COQ6: variants seen among roughly 807,000 people sequenced by gnomAD.
COQ6 encodes the protein coenzyme Q6, monooxygenase, also known as ubiquinone biosynthesis monooxygenase COQ6, mitochondrial.
Under a neutral mutation model 55.5 loss-of-function variants are expected in COQ6, and 45 were observed. The observed-to-expected ratio is 0.81, with a 90% CI of 0.64 to 1.04. The LOEUF (loss-of-function observed/expected upper bound fraction) is 1.04, where lower values mean the gene tolerates loss of function less well. Among genes scored for constraint, COQ6 ranks in the 50% least tolerant of loss-of-function variants. The pLI is 0.00. For synonymous variants in COQ6, 206 were observed against 230.5 expected, an observed-to-expected ratio of 0.89 and a Z score of 0.96; for missense variants, 550 against 601.3, an observed-to-expected ratio of 0.91 and a Z score of 0.89.
chr14:73,955,395 G>T (rs1448934695), intron 2 of COQ6, 56 bp from the exon 3 acceptor site: 1 of 1,349,924 alleles, frequency 7.4e-7, no homozygotes, highest in East Asian at 2.3e-5. Flanking sequence ...GGAGGGACAA[G>T]GGGGAGCCCA....
chr14:73,960,238 A>C (rs939887871), intron 8 of COQ6: 1 of 986,940 alleles, frequency 1.0e-6, no homozygotes, highest in Non-Finnish European at 1.2e-6. Flanking sequence ...TGTGGGTTCA[A>C]AATGTAAATA....
intron 8 of COQ6, chr14:73,959,955 T>C: frequency 9.0e-7 from 1 of 1,113,700 alleles, no homozygotes; most frequent in African/African-American, 1.6e-5. Context: ...GTCTAGATTA[T>C]GTGGAGGAGT....
intron 1 of COQ6, among the ~76,000 whole-genome samples, chr14:73,952,461 G>A (rs1050152998): frequency 6.6e-6 from 1 of 151,830 alleles, no homozygotes; most frequent in Admixed American, 6.6e-5. Flanking sequence ...TTTTGAGACA[G>A]GGTTTTGCTC....
At chr14:73,953,943 G>T (rs939980585) in intron 2 of COQ6, 1 of 324,796 alleles carries the variant, frequency 3.1e-6, no homozygotes, top group East Asian at 7.1e-5. Context: ...GAGCTTACAC[G>T]TGAAATTCCC....
At chr14:73,953,396 T>C in intron 1 of COQ6, 39 bp from the exon 2 acceptor site, 2 of 1,551,272 alleles carry the variant, frequency 1.3e-6, no homozygotes, top group South Asian at 2.2e-5. Context: ...AAGGAAATTC[T>C]TGATTTTCCT....
chr14:73,961,650 G>A (rs1414713440), intron 10 of COQ6, 80 bp downstream of exon 10: 6 of 1,601,982 alleles, frequency 3.7e-6, no homozygotes, highest in Admixed American at 3.3e-5. Context: ...GCAAGAGGGA[G>A]TGGACATAAA....
rs775716818 is a variant in COQ6, at chr14:73,950,502, C to A, written c.163+7C>A. On this transcript the variant is annotated splice_region_variant and intron_variant, in intron 1 of 11. Coordinates refer to ENST00000334571, the MANE Select transcript of COQ6 (RefSeq NM_182476.3). The stretch of plus-strand genomic sequence containing the variant: ...GCCATGGCCTGTGCCTTGGGTAAGC[C>A]CTTCTCCAGGCTACTAGTGGCCGGA... The A allele has an allele frequency of 1.2e-6, 2 of 1,601,320 alleles. No individual in the cohort carries two copies. Among genetic ancestry groups the A allele is most frequent in the East Asian group, 2.3e-5 (1 of 44,360 alleles).
At position 73,961,493 on chromosome 14, in the gene COQ6, G is replaced by T; in HGVS notation, c.1133G>T (p.Gly378Val). Residue 378 changes from glycine to valine, a missense_variant, in exon 10 of 12, where the codon GGT (glycine) becomes GTT (valine). Physicochemically the swap from Gly to Val is moderately radical, Grantham distance 109 (BLOSUM62 -3). Transcript: ENST00000334571. ...AHRVHPLAGQGVNMGFGDISS... is the reference protein window; with the variant it reads ...AHRVHPLAGQVVNMGFGDISS... Reference sequence around the variant, plus strand: ...AGAGTCCATCCGCTTGCAGGACAGGGTGTCAACATGGGCTTTGGGGATATC... The same window carrying T: ...AGAGTCCATCCGCTTGCAGGACAGGTTGTCAACATGGGCTTTGGGGATATC... 6.2e-7 allele frequency: 1 copy of T among 1,614,192 alleles called. No homozygotes were observed.
At position 73,955,483 on chromosome 14, in the gene COQ6, A is replaced by C; in HGVS notation, c.331A>C (p.Arg111=). 1 of 1,614,130 alleles carries C rather than the reference A, an allele frequency of 6.2e-7. No homozygotes were observed. The highest frequency in any genetic ancestry group is 8.5e-7 in the Non-Finnish European group (1 of 1,179,986). Residue 111 remains arginine, a synonymous_variant, in exon 3 of 12, where the codon AGA becomes CGA. Coordinates refer to ENST00000334571, the MANE Select transcript of COQ6 (RefSeq NM_182476.3). ...FGAWDHICNM[R]YRAFRRMQVW... ...TGCCTGGGACCATATCTGCAACATG[A>C]GATACAGAGCCTTTCGGCGAATGCA... is the stretch of plus-strand genomic sequence containing the variant.
At chr14:73,954,995 A>G (rs1594790861) in intron 2 of COQ6, among the ~76,000 whole-genome samples, 3 of 125,126 alleles carry the variant, frequency 2.4e-5, no homozygotes, top group African/African-American at 3.1e-5. Context: ...TCTGTTGCCC[A>G]GGCTGGAGTG....
At chr14:73,960,908 G>A (rs912913458) in intron 8 of COQ6, 1 of 559,096 alleles carries the variant, frequency 1.8e-6, no homozygotes, top group Non-Finnish European at 3.2e-6. Flanking sequence ...CTGGTGCGTG[G>A]TTATTGAGGG....
At chr14:73,956,293 A>G (rs1043252626) in intron 4 of COQ6, 2 of 232,286 alleles carry the variant, frequency 8.6e-6, no homozygotes, top group Non-Finnish European at 1.7e-5. Context: ...ACGCCACTGC[A>G]CTCCAGCCTG....
rs1204358656 is a variant in COQ6, at chr14:73,950,311, T to C, written c.-22T>C. On this transcript the variant is annotated 5_prime_UTR_variant, in exon 1 of 12. Coordinates refer to ENST00000334571, the MANE Select transcript of COQ6 (RefSeq NM_182476.3). Reference sequence around the variant, plus strand: ...TAGGTGGGCCTGCGGGAGTTCTGAGTGCGACGGCGCAGGTCTGCACCATGG... The same window carrying C: ...TAGGTGGGCCTGCGGGAGTTCTGAGCGCGACGGCGCAGGTCTGCACCATGG... The C allele has an allele frequency of 1.3e-6, 2 of 1,545,006 alleles. No homozygotes were observed. Among genetic ancestry groups the C allele is most frequent in the East Asian group, 4.9e-5 (2 of 41,190 alleles).
chr14:73,955,375 G>C (rs537163715), intron 2 of COQ6, 76 bp from the exon 3 acceptor site: 12 of 1,076,576 alleles, frequency 1.1e-5, no homozygotes, highest in Non-Finnish European at 1.7e-5. Context: ...AACCTCTTAC[G>C]TAACAGGATG....
chr14:73,957,402 T>C (rs1049107764), intron 4 of COQ6, among the ~76,000 whole-genome samples: 1 of 152,212 alleles, frequency 6.6e-6, no homozygotes, highest in African/African-American at 2.4e-5. Context: ...TTTAAATCGC[T>C]TTGTTGACAG....
In COQ6 at chr14:73,959,417, C is replaced by T. The variant is rs1387819431; in HGVS notation, c.786C>T (p.Leu262=). ...LPSGPIALLP[L]SDTLSSLVWS... is the part of the protein sequence containing the mutation. ...GTATTGGTGTTCTTTTGACACAGCTCTCAGACACCTTGAGTTCCTTGGTTT... is the reference window on the plus strand; with the variant it reads ...GTATTGGTGTTCTTTTGACACAGCTTTCAGACACCTTGAGTTCCTTGGTTT... The change falls in exon 8 of 12, where the codon CTC becomes CTT. Residue 262 remains leucine (L), a splice_region_variant and synonymous_variant. Coordinates refer to ENST00000334571, the MANE Select transcript of COQ6 (RefSeq NM_182476.3). The T allele has an allele frequency of 1.2e-6, 2 of 1,614,060 alleles. No homozygotes were observed. Among genetic ancestry groups the T allele is most frequent in the Non-Finnish European group, 1.7e-6 (2 of 1,180,050 alleles).
rs1420607630 is a variant in COQ6, at chr14:73,963,474, T to TATACTG, written c.*476_*481dup. ...AAATTGCTTTAACCTTTGTTACAGGTATACTGGACTTTCTGAAAGGAAAAC... is the reference window on the plus strand; with the variant it reads ...AAATTGCTTTAACCTTTGTTACAGGTATACTGATACTGGACTTTCTGAAAGGAAAAC... On this transcript the variant is annotated 3_prime_UTR_variant, in exon 12 of 12. Coordinates refer to ENST00000334571, the MANE Select transcript of COQ6 (RefSeq NM_182476.3). 1 of 185,856 alleles carries TATACTG rather than the reference T, an allele frequency of 5.4e-6. No individual in the cohort carries two copies. Among genetic ancestry groups the TATACTG allele is most frequent in the Non-Finnish European group, 1.1e-5 (1 of 90,190 alleles). 11.5% of individuals were successfully genotyped at this position (185,856 alleles called of 1,614,324 possible).
Position 73,961,718 on chromosome 14 carries a change from T to C in COQ6, c.1211-19T>C. 2 of 1,614,130 alleles carry C rather than the reference T, an allele frequency of 1.2e-6. No homozygotes were observed. Among genetic ancestry groups the C allele is most frequent in the Non-Finnish European group, 1.7e-6 (2 of 1,179,940 alleles). On this transcript the variant is annotated intron_variant, in intron 10 of 11. Coordinates refer to ENST00000334571, the MANE Select transcript of COQ6 (RefSeq NM_182476.3). ...CCTTATTATTGGATTAGGGATTTAA[T>C]CTTTCCTCTGCCCTTCAGGTTCCGT... is the stretch of plus-strand genomic sequence containing the variant.
chr14:73,952,986 T>G (rs1465583296), intron 1 of COQ6, among the ~76,000 whole-genome samples: 1 of 152,208 alleles, frequency 6.6e-6, no homozygotes, highest in Non-Finnish European at 1.5e-5. Context: ...TTATAAACTC[T>G]AATTCTTTAT....
Sources: gnomAD v4.1 joint callset for allele counts (sites outside exome capture counted in the v4.1 genomes callset) on GRCh38, gnomAD v4.1.1 for gene constraint, MANE v1.5 for transcripts, NCBI Gene and HGNC (gene_info 2026-07-23, HGNC 2026-07-21) for gene names.